KPNA5: variants seen among roughly 807,000 people sequenced by gnomAD.
The protein encoded by KPNA5 is importin subunit alpha-6.
A neutral mutation model predicts 71.3 loss-of-function variants in KPNA5; 46 were observed. That is an observed-to-expected ratio of 0.65 (90% confidence interval 0.51 to 0.83). The LOEUF (loss-of-function observed/expected upper bound fraction) is 0.83. KPNA5 is among the 40% of genes least tolerant of loss of function. The pLI, the probability that KPNA5 is intolerant of heterozygous loss-of-function variation, is 0.00. For missense variants in KPNA5, 547 were observed against 628.3 expected, an observed-to-expected ratio of 0.87 and a Z score of 1.38; for synonymous variants, 207 against 201.4, an observed-to-expected ratio of 1.03 and a Z score of -0.24.
rs545438092 is a variant in KPNA5 at position 116,712,135 on chromosome 6, C to CAGA, written c.657-4084_657-4083insAGA. On this transcript the variant is annotated intron_variant, in intron 7 of 13. Transcript: ENST00000368564. ...TTTTGTATCTTTAGTAGAGATGGGT[C>CAGA]TCACCATGTTGGTCAGACTGGTCTC... is the stretch of plus-strand genomic sequence containing the variant. Among the ~76,000 whole-genome samples the CAGA allele has an allele frequency of 2.8e-4, 43 of 152,126 alleles. No homozygotes were observed. In the South Asian group the frequency reaches 8.9e-3, roughly 32 times the overall value.
At chr6:116,705,010 A>G (rs1055219808) in intron 6 of KPNA5, 62 bp from the exon 7 acceptor site, 2 of 1,187,752 alleles carry the variant, frequency 1.7e-6, no homozygotes, top group Non-Finnish European at 1.2e-6. Context: ...CTAAAATCTC[A>G]TTCCTAAAGG....
chr6:116,726,697 C>G, intron 12 of KPNA5, 75 bp downstream of exon 12: 6 of 1,184,984 alleles, frequency 5.1e-6, no homozygotes, highest in Non-Finnish European at 7.0e-6. Context: ...TTTTAATTTA[C>G]TGATGGAACT....
At chr6:116,714,741 C>G (rs1778821412) in intron 7 of KPNA5, among the ~76,000 whole-genome samples, 1 of 152,112 alleles carries the variant, frequency 6.6e-6, no homozygotes, top group Admixed American at 6.5e-5. Flanking sequence ...GAGGACCATT[C>G]TTTATTTACA....
At chr6:116,710,873 T>TATATATATA (rs1554256692) in intron 7 of KPNA5, among the ~76,000 whole-genome samples, 3 of 84,874 alleles carry the variant, frequency 3.5e-5, no homozygotes, top group African/African-American at 8.3e-5. Context: ...TAATATTATT[T>TATATATATA]TATATATATA....
chr6:116,708,532 T>C (rs1778532397), intron 7 of KPNA5, among the ~76,000 whole-genome samples: 1 of 152,220 alleles, frequency 6.6e-6, no homozygotes, highest in Non-Finnish European at 1.5e-5. Flanking sequence ...TTGAGCAGTA[T>C]TGCCATCTTA....
intron 1 of KPNA5, among the ~76,000 whole-genome samples, chr6:116,682,863 T>C (rs1414012998): frequency 1.3e-5 from 2 of 152,212 alleles, no homozygotes; most frequent in African/African-American, 2.4e-5. Context: ...AACAATCCCA[T>C]TGGATGGGGC....
At chr6:116,724,441 C>A (rs1320940881) in intron 10 of KPNA5, 66 bp downstream of exon 10, 14 of 1,037,078 alleles carry the variant, frequency 1.3e-5, no homozygotes, top group Non-Finnish European at 2.1e-5. Context: ...ATGTTTCATA[C>A]AACTTGATTA....
In KPNA5 at chr6:116,726,532, A is replaced by C. The variant is rs751480591; in HGVS notation, c.1163A>C (p.Glu388Ala). The C allele has an allele frequency of 1.9e-6, 3 of 1,611,964 alleles. No homozygotes were observed. The African/African-American group carries it at 4.0e-5, about 22-fold the overall frequency. Residue 388 changes from glutamate (E) to alanine (A), a missense_variant, in exon 12 of 14, where the codon GAG becomes GCG. Coordinates refer to ENST00000368564, the MANE Select transcript of KPNA5 (RefSeq NM_001366306.2). ...IDANIFPVLI[E>A]ILQKAEFRTR... Reference sequence around the variant, plus strand: ...GCAAATATTTTTCCTGTTTTGATTGAGATTCTTCAGAAAGCAGAGTTTCGT... The same window carrying C: ...GCAAATATTTTTCCTGTTTTGATTGCGATTCTTCAGAAAGCAGAGTTTCGT...
chr6:116,689,108 ATTTG>A (rs1305024183), intron 1 of KPNA5, among the ~76,000 whole-genome samples: 2 of 152,302 alleles, frequency 1.3e-5, no homozygotes, highest in East Asian at 1.9e-4. Context: ...GACCAAAATT[ATTTG>A]TTTAAGATAT....
intron 8 of KPNA5, among the ~76,000 whole-genome samples, chr6:116,720,805 G>A (rs1167206585): frequency 6.6e-6 from 1 of 152,184 alleles, no homozygotes; most frequent in Non-Finnish European, 1.5e-5. Flanking sequence ...GGGCAACAGA[G>A]TGAGACCCTG....
rs554734287 is a variant in KPNA5, at chr6:116,736,577, C to A, written c.*4254C>A. 1 of 152,078 alleles carries A rather than the reference C, an allele frequency of 6.6e-6. No individual in the cohort carries two copies. The highest frequency in any genetic ancestry group is 6.6e-5 in the Admixed American group (1 of 15,226). 9.4% of individuals were successfully genotyped at this position (152,078 alleles called of 1,614,324 possible). A position where few individuals can be genotyped will look rare whatever the true frequency, so the allele number is the denominator to read the frequency against. On this transcript the variant is annotated 3_prime_UTR_variant, in exon 14 of 14. Coordinates refer to ENST00000368564, the MANE Select transcript of KPNA5 (RefSeq NM_001366306.2). Reference sequence around the variant, plus strand: ...CACAAAGTTTTAAATGCATATTTTACACCCCAAAGCAACCAATTCTTGTTC... The same window carrying A: ...CACAAAGTTTTAAATGCATATTTTAAACCCCAAAGCAACCAATTCTTGTTC...
At chr6:116,722,322 A>G in intron 9 of KPNA5, 33 bp downstream of exon 9, 3 of 1,498,404 alleles carry the variant, frequency 2.0e-6, no homozygotes, top group Non-Finnish European at 1.8e-6. Context: ...TAATAATTGT[A>G]TGATTGAGAT....
At chr6:116,729,161 GT>G (rs1779388840) in intron 12 of KPNA5, among the ~76,000 whole-genome samples, 1 of 60,730 alleles carries the variant, frequency 1.6e-5, no homozygotes, top group Non-Finnish European at 3.3e-5. Context: ...TGACCTCCGT[GT>G]GTGTGTGTGT....
chr6:116,681,396 A>T, intron 1 of KPNA5, 58 bp downstream of exon 1: 1 of 1,517,818 alleles, frequency 6.6e-7, no homozygotes, highest in Non-Finnish European at 8.8e-7. Context: ...TCCCTTTGGG[A>T]ACTACTAGTT....
At chr6:116,717,951 G>A (rs145331769) in intron 8 of KPNA5, among the ~76,000 whole-genome samples, 135 of 152,252 alleles carry the variant, frequency 8.9e-4, no homozygotes, top group African/African-American at 3.0e-3. Flanking sequence ...CTGAGAAGTT[G>A]CATCTCCTTG....
At chr6:116,681,361 T>A in intron 1 of KPNA5, 23 bp downstream of exon 1, 1 of 1,583,278 alleles carries the variant, frequency 6.3e-7, no homozygotes, top group East Asian at 2.3e-5. Flanking sequence ...GAACACGGGC[T>A]AGGTTGGGGG....
chr6:116,732,084 A>T (rs1245937401), intron 13 of KPNA5, 52 bp from the exon 14 acceptor site: 2 of 37,068 alleles, frequency 5.4e-5, no homozygotes, highest in Admixed American at 3.5e-4. Context: ...TTATATATAT[A>T]TATATATATA....
At chr6:116,686,236 A>G (rs146379010) in intron 1 of KPNA5, among the ~76,000 whole-genome samples, 7,246 of 152,154 alleles carry the variant, frequency 0.048, 488 homozygotes, top group African/African-American at 0.16. Context: ...CCTTTTAATA[A>G]TAGCCATTCT....
At chr6:116,697,303 T>C (rs1778065675) in intron 4 of KPNA5, among the ~76,000 whole-genome samples, 1 of 152,062 alleles carries the variant, frequency 6.6e-6, no homozygotes, top group African/African-American at 2.4e-5. Flanking sequence ...CAGTTTTCCA[T>C]CTTGAAGAAT....
Sources: allele counts gnomAD v4.1 joint callset (sites outside exome capture counted in the v4.1 genomes callset), GRCh38; gene constraint gnomAD v4.1.1; transcripts MANE v1.5; gene names NCBI Gene and HGNC (gene_info 2026-07-23, HGNC 2026-07-21).